MYRIP: variants seen among roughly 807,000 people sequenced by gnomAD.
The protein encoded by MYRIP is myosin VIIA and Rab interacting protein.
MYRIP carries 49 observed loss-of-function variants against 98.0 expected under a neutral mutation model. That is an observed-to-expected ratio of 0.50 (90% CI 0.40 to 0.63). The LOEUF is 0.63. Ranked by LOEUF, MYRIP falls within the 30% of genes least tolerant of loss-of-function variation. MYRIP has a pLI of 0.00. For synonymous variants in MYRIP, 404 were observed against 409.5 expected (o/e 0.99, Z 0.16); for missense variants, 1,004 against 1,058.2 (o/e 0.95, Z 0.71).
intron 9 of MYRIP, among the ~76,000 whole-genome samples, chr3:40,184,407 C>G (rs146332440): frequency 6.6e-6 from 1 of 151,896 alleles, no homozygotes; most frequent in African/African-American, 2.4e-5. Context: ...TTATTTTTTC[C>G]TCCAACAGCA....
intron 1 of MYRIP, among the ~76,000 whole-genome samples, chr3:39,849,935 AC>A (rs1341899800): frequency 2.6e-5 from 4 of 152,212 alleles, no homozygotes; most frequent in African/African-American, 9.6e-5. Context: ...CTAAGAGACA[AC>A]TTTAAAAGTT....
chr3:39,847,694 A>G (rs930916), intron 1 of MYRIP, among the ~76,000 whole-genome samples: 10,350 of 152,172 alleles, frequency 0.068, 376 homozygotes, highest in South Asian at 0.14. Context: ...CTCCAGTGGC[A>G]TTGTCCTCAT....
chr3:40,009,712 A>C (rs1946715914), intron 2 of MYRIP, among the ~76,000 whole-genome samples: 1 of 152,174 alleles, frequency 6.6e-6, no homozygotes, highest in Non-Finnish European at 1.5e-5. Context: ...TAGAGGCTTC[A>C]TTTCCCAGTG....
At chr3:39,844,108 C>G (rs899379728) in intron 1 of MYRIP, among the ~76,000 whole-genome samples, 1 of 152,098 alleles carries the variant, frequency 6.6e-6, no homozygotes, top group Admixed American at 6.6e-5. Context: ...CGCATTATGC[C>G]CATTCTGAAA....
chr3:40,105,230 T>C (rs989473039), intron 3 of MYRIP, among the ~76,000 whole-genome samples: 3 of 152,262 alleles, frequency 2.0e-5, no homozygotes, highest in African/African-American at 7.2e-5. Flanking sequence ...TATGTCTGTA[T>C]AAATGCTTCC....
chr3:40,111,024 G>A (rs573221240), intron 3 of MYRIP, among the ~76,000 whole-genome samples: 17 of 152,152 alleles, frequency 1.1e-4, no homozygotes, highest in African/African-American at 4.1e-4. Context: ...AATACCCAGG[G>A]TGTTGACTCA....
At chr3:40,247,841 C>T (rs1953253874) in intron 13 of MYRIP, among the ~76,000 whole-genome samples, 1 of 152,250 alleles carries the variant, frequency 6.6e-6, no homozygotes, top group Admixed American at 6.5e-5. Context: ...CTTAACCAGT[C>T]TGTGCTGTGT....
intron 2 of MYRIP, among the ~76,000 whole-genome samples, chr3:40,003,925 T>C (rs1218590031): frequency 6.6e-6 from 1 of 152,188 alleles, no homozygotes; most frequent in Non-Finnish European, 1.5e-5. Context: ...CCTGAGCCTA[T>C]CTGACTGTCA....
chr3:40,218,598 CATATATATATATTTTATATATAT>C (rs1219291670), intron 11 of MYRIP, among the ~76,000 whole-genome samples: 24 of 14,228 alleles, frequency 1.7e-3, no homozygotes, highest in Admixed American at 3.3e-3. Flanking sequence ...CACACACACA[CATATATATATATTTTATATATAT>C]ATATATATAT....
chr3:39,984,037 T>C (rs1411592358), intron 2 of MYRIP, among the ~76,000 whole-genome samples: 3 of 152,088 alleles, frequency 2.0e-5, no homozygotes, highest in African/African-American at 7.2e-5. Context: ...TTTTAGTATA[T>C]TGGTGCAGCA....
chr3:40,166,961 C>T lies in MYRIP; in HGVS notation c.648+18C>T. ...ACAGCCTGGTAGGGCCCCTCCTGCT[C>T]CTCTCTGTGGGGGGAGGTGTGGGTT... On this transcript the variant is annotated intron_variant, in intron 6 of 16. Coordinates refer to ENST00000302541, the MANE Select transcript of MYRIP (RefSeq NM_015460.4). 1.9e-6 allele frequency: 3 copies of T among 1,588,664 alleles called. No homozygotes were observed. Among genetic ancestry groups the T allele is most frequent in the Admixed American group, 1.7e-5 (1 of 59,928 alleles).
intron 11 of MYRIP, among the ~76,000 whole-genome samples, chr3:40,214,341 A>T (rs1952052539): frequency 6.6e-6 from 1 of 152,208 alleles, no homozygotes; most frequent in Non-Finnish European, 1.5e-5. Flanking sequence ...AGGAATGTGG[A>T]TATGCCCGTA....
chr3:40,105,909 G>A (rs187649080), intron 3 of MYRIP, among the ~76,000 whole-genome samples: 1 of 152,242 alleles, frequency 6.6e-6, no homozygotes, highest in Admixed American at 6.5e-5. Flanking sequence ...CCCTAGACAT[G>A]TGGGGATTAT....
chr3:40,012,484 G>A lies in MYRIP; in HGVS notation c.111-31566G>A, dbSNP rs548903139. 1.5e-4 allele frequency among the ~76,000 whole-genome samples: 23 copies of A among 152,288 alleles called. No individual in the cohort carries two copies. The South Asian group carries it at 4.4e-3, about 29-fold the overall frequency. The stretch of plus-strand genomic sequence containing the variant: ...TGTCTCACCAAAGTTGCCTGTGGTC[G>A]TTAATTTTATGTGAACTTGACCGGG... On this transcript the variant is annotated intron_variant, in intron 2 of 16. Coordinates refer to ENST00000302541, the MANE Select transcript of MYRIP (RefSeq NM_015460.4).
In MYRIP at chr3:40,258,260, C is replaced by A; in HGVS notation, c.*94C>A. 6.7e-7 allele frequency: 1 copy of A among 1,492,488 alleles called. No individual in the cohort carries two copies. The highest frequency in any genetic ancestry group is 9.3e-7 in the Non-Finnish European group (1 of 1,071,342). The allele number at this position is 1,492,488 out of a possible 1,614,324, so 92.5% of individuals were successfully genotyped here. ...CCATCGAGTACTGTATGTATTTCCA[C>A]CTGAGGAGAAGGCCTGGGGAGGCCA... On this transcript the variant is annotated 3_prime_UTR_variant, in exon 17 of 17. Transcript: ENST00000302541.
chr3:40,013,718 G>A (rs1946806506), intron 2 of MYRIP, among the ~76,000 whole-genome samples: 1 of 152,206 alleles, frequency 6.6e-6, no homozygotes, highest in South Asian at 2.1e-4. Context: ...GTAAAATGGA[G>A]GGATGATGGC....
chr3:40,135,760 A>C (rs980733357), intron 3 of MYRIP, among the ~76,000 whole-genome samples: 1 of 152,234 alleles, frequency 6.6e-6, no homozygotes, highest in African/African-American at 2.4e-5. Context: ...TTTTCAACCC[A>C]GAATTTCATA....
chr3:39,987,693 C>A (rs187082491), intron 2 of MYRIP, among the ~76,000 whole-genome samples: 2 of 152,266 alleles, frequency 1.3e-5, no homozygotes, highest in Admixed American at 1.3e-4. Flanking sequence ...TTAATAATTG[C>A]CATTCTGACT....
intron 1 of MYRIP, among the ~76,000 whole-genome samples, chr3:39,811,351 G>A (rs1940682994): frequency 6.6e-6 from 1 of 152,096 alleles, no homozygotes; most frequent in Non-Finnish European, 1.5e-5. Context: ...TGATAAATGT[G>A]AAAATGCACT....
Sources: gnomAD v4.1 joint callset for allele counts (sites outside exome capture counted in the v4.1 genomes callset) on GRCh38, gnomAD v4.1.1 for gene constraint, MANE v1.5 for transcripts, NCBI Gene and HGNC (gene_info 2026-07-23, HGNC 2026-07-21) for gene names.